The following DCC variants were observed in gnomAD, a reference collection of about 807,000 sequenced individuals.
DCC encodes netrin receptor DCC.
A neutral mutation model predicts 172.5 loss-of-function variants in DCC; 58 were observed. The observed-to-expected ratio is 0.34, with a 90% CI of 0.27 to 0.42. DCC has a LOEUF of 0.42. Ranked by LOEUF, DCC falls within the 10% of genes least tolerant of loss-of-function variation. DCC has a pLI of 1.00. For synonymous variants in DCC, 709 were observed against 644.5 expected, an observed-to-expected ratio of 1.10 and a Z score of -1.52; for missense variants, 1,740 against 1,791.0, an observed-to-expected ratio of 0.97 and a Z score of 0.51.
rs1393930143 is a variant in DCC at position 53,402,837 on chromosome 18, C to T, written c.2879C>T (p.Pro960Leu). 2 of 1,614,118 alleles carry T rather than the reference C, an allele frequency of 1.2e-6. No homozygotes were observed. Among genetic ancestry groups the T allele is most frequent in the Non-Finnish European group, 8.5e-7 (1 of 1,180,002 alleles). Residue 960 changes from proline (P) to leucine (L), a missense_variant, in exon 19 of 29, where the codon CCT (proline) becomes CTT (leucine). Physicochemically the swap from Pro to Leu is moderately conservative, Grantham distance 98. Transcript: ENST00000442544. ...DLTVITREGK[P>L]RAVIVSWQPP... ...ACAGTCATTACTAGGGAAGGGAAGC[C>T]TCGTGCCGTCATTGTGAGTTGGCAG...
intron 9 of DCC, among the ~76,000 whole-genome samples, chr18:53,194,999 C>T (rs2055422835): frequency 6.6e-6 from 1 of 152,160 alleles, no homozygotes; most frequent in Admixed American, 6.5e-5. Context: ...TATTAACTAA[C>T]ATATTATATT....
chr18:53,122,244 C>T (rs2043493372), intron 7 of DCC, among the ~76,000 whole-genome samples: 1 of 151,866 alleles, frequency 6.6e-6, no homozygotes, highest in Non-Finnish European at 1.5e-5. Context: ...ATGCTCAGTG[C>T]TAATTTTACT....
At chr18:52,901,088 G>A (rs1012979503) in intron 2 of DCC, among the ~76,000 whole-genome samples, 1 of 152,086 alleles carries the variant, frequency 6.6e-6, no homozygotes, top group African/African-American at 2.4e-5. Flanking sequence ...TTTATGTCAG[G>A]GAAATAAGGT....
At chr18:53,214,487 A>G (rs544099547) in intron 11 of DCC, among the ~76,000 whole-genome samples, 1 of 152,186 alleles carries the variant, frequency 6.6e-6, no homozygotes, top group Non-Finnish European at 1.5e-5. Context: ...ATTCATGGTC[A>G]GATGTAAGTA....
intron 1 of DCC, among the ~76,000 whole-genome samples, chr18:52,731,611 A>G (rs2036644019): frequency 6.6e-6 from 1 of 152,206 alleles, no homozygotes. Context: ...TTAATACAGT[A>G]GAGTGATCTT....
chr18:53,510,338 G>C (rs2046235420), intron 27 of DCC, among the ~76,000 whole-genome samples: 1 of 152,154 alleles, frequency 6.6e-6, no homozygotes, highest in African/African-American at 2.4e-5. Flanking sequence ...TCTGGTGGTA[G>C]GGAGGGTAAG....
chr18:52,374,155 G>A (rs1045600637), intron 1 of DCC, among the ~76,000 whole-genome samples: 3 of 151,960 alleles, frequency 2.0e-5, no homozygotes, highest in Non-Finnish European at 4.4e-5. Context: ...GCCTCCCAAA[G>A]TGCTGGGATT....
At chr18:53,126,876 G>T (rs2144305626) in intron 7 of DCC, among the ~76,000 whole-genome samples, 1 of 152,220 alleles carries the variant, frequency 6.6e-6, no homozygotes, top group Non-Finnish European at 1.5e-5. Context: ...AGCTTAAAAT[G>T]AGGTTATGCT....
In DCC at chr18:53,238,961, G is replaced by A. The variant is rs1488145508; in HGVS notation, c.1911+23364G>A. Among the ~76,000 whole-genome samples the A allele has an allele frequency of 4.0e-5, 6 of 148,322 alleles. No homozygotes were observed. In the East Asian group the frequency reaches 6.1e-4, roughly 15 times the overall value. On this transcript the variant is annotated intron_variant, in intron 12 of 28. Transcript: ENST00000442544. ...TCGCAAGGACAAAAAACCAAACATC[G>A]CATGTTCTCACTCATAGGTGGGAAT... is the stretch of plus-strand genomic sequence containing the variant.
intron 1 of DCC, among the ~76,000 whole-genome samples, chr18:52,605,026 TA>T (rs34622984): frequency 0.81 from 123,301 of 151,864 alleles, 50,841 homozygotes; most frequent in Middle Eastern, 0.91. Context: ...TTCTGGAATC[TA>T]AAAAAATGGA....
chr18:53,203,142 GTATT>G (rs2055567672), intron 9 of DCC, among the ~76,000 whole-genome samples: 1 of 151,592 alleles, frequency 6.6e-6, no homozygotes, highest in African/African-American at 2.4e-5. Context: ...ATGTACCAAA[GTATT>G]TAGGATTAAG....
intron 12 of DCC, among the ~76,000 whole-genome samples, chr18:53,302,581 C>T (rs2057154250): frequency 6.6e-6 from 1 of 151,930 alleles, no homozygotes; most frequent in Non-Finnish European, 1.5e-5. Flanking sequence ...CACTCTTTTC[C>T]TGGAACACAT....
intron 1 of DCC, among the ~76,000 whole-genome samples, chr18:52,664,471 TTTTTC>T (rs1174388744): frequency 1.9e-4 from 6 of 31,100 alleles, no homozygotes; most frequent in African/African-American, 8.3e-4. Flanking sequence ...TTTCTTTTTC[TTTTTC>T]TTTTTTTTTT....
At chr18:53,148,985 C>T (rs928320889) in intron 7 of DCC, among the ~76,000 whole-genome samples, 59 of 151,232 alleles carry the variant, frequency 3.9e-4, no homozygotes, top group Non-Finnish European at 7.7e-4. Context: ...GCCTCAGCTT[C>T]TTGAATAGCT....
chr18:52,619,741 A>G (rs1221865), intron 1 of DCC, among the ~76,000 whole-genome samples: 52,644 of 152,030 alleles, frequency 0.35, 9,365 homozygotes, highest in Non-Finnish European at 0.39. Flanking sequence ...CTAATATTCT[A>G]TAAAATTTTA....
At chr18:52,934,293 G>A (rs186150863) in intron 5 of DCC, among the ~76,000 whole-genome samples, 4 of 152,070 alleles carry the variant, frequency 2.6e-5, no homozygotes, top group Non-Finnish European at 5.9e-5. Flanking sequence ...TTCTTTGGCA[G>A]TAATCTCTAG....
At chr18:52,766,315 T>C (rs1212270580) in intron 2 of DCC, among the ~76,000 whole-genome samples, 1 of 152,182 alleles carries the variant, frequency 6.6e-6, no homozygotes, top group Non-Finnish European at 1.5e-5. Context: ...TACAGTGCTT[T>C]CAGCTCTGCC....
intron 1 of DCC, among the ~76,000 whole-genome samples, chr18:52,690,822 T>G (rs917058361): frequency 6.6e-6 from 1 of 152,116 alleles, no homozygotes; most frequent in African/African-American, 2.4e-5. Flanking sequence ...AAATTTTGAA[T>G]AAAAACTGCA....
At chr18:52,417,674 G>A (rs941715758) in intron 1 of DCC, among the ~76,000 whole-genome samples, 15 of 152,112 alleles carry the variant, frequency 9.9e-5, no homozygotes, top group African/African-American at 3.6e-4. Flanking sequence ...CGGCTCCTGA[G>A]GCTTCTGCAT....
Sources: gnomAD v4.1 joint callset for allele counts (sites outside exome capture counted in the v4.1 genomes callset) on GRCh38, gnomAD v4.1.1 for gene constraint, MANE v1.5 for transcripts, NCBI Gene and HGNC (gene_info 2026-07-23, HGNC 2026-07-21) for gene names.